The following IL10 variants were observed in gnomAD, a reference collection of about 807,000 sequenced individuals.
IL10 encodes interleukin-10.
A neutral mutation model predicts 21.0 loss-of-function variants in IL10; 7 were observed. The observed-to-expected ratio is 0.33, with a 90% CI of 0.19 to 0.63. IL10 has a LOEUF of 0.63. Ranked by LOEUF, IL10 falls within the 20% of genes least tolerant of loss-of-function variation. IL10 has a pLI of 0.77. For synonymous variants in IL10, 83 were observed against 79.7 expected, an observed-to-expected ratio of 1.04 and a Z score of -0.22; for missense variants, 161 against 213.0, an observed-to-expected ratio of 0.76 and a Z score of 1.52.
At chr1:206,769,333 G>C (rs1203551941) in intron 4 of IL10, among the ~76,000 whole-genome samples, 2 of 152,254 alleles carry the variant, frequency 1.3e-5, no homozygotes, top group African/African-American at 4.8e-5. Flanking sequence ...CCGCAGGTGC[G>C]AAGGGCAGAT....
In IL10 at chr1:206,768,634, T is replaced by C. The variant is rs201661909; in HGVS notation, c.*2A>G. ...AGTCTATAGAGTCGCCACCCTGATG[T>C]CTCAGTTTCGTATCTTCATTGTCAT... On this transcript the variant is annotated 3_prime_UTR_variant, in exon 5 of 5. Coordinates refer to ENST00000423557, the MANE Select transcript of IL10 (RefSeq NM_000572.3). 2.2e-5 allele frequency: 34 copies of C among 1,561,488 alleles called. No homozygotes were observed. In the East Asian group the frequency reaches 7.2e-4, roughly 33 times the overall value.
At chr1:206,771,096 G>A (rs765131042) in intron 2 of IL10, 37 bp from the exon 3 acceptor site, 28 of 1,611,854 alleles carry the variant, frequency 1.7e-5, no homozygotes, top group Non-Finnish European at 2.1e-5. Context: ...AGAGATTGGC[G>A]GAGGTGGCTG....
chr1:206,769,476 G>A, intron 4 of IL10: 1 of 397,918 alleles, frequency 2.5e-6, no homozygotes, highest in East Asian at 5.4e-5. Flanking sequence ...TCCTGCACGT[G>A]TGGGTTCAGC....
In IL10 at chr1:206,772,442, T is replaced by C; in HGVS notation, c.-7A>G. 6.2e-7 allele frequency: 1 copy of C among 1,613,938 alleles called. No individual in the cohort carries two copies. Among genetic ancestry groups the C allele is most frequent in the African/African-American group, 1.3e-5 (1 of 75,048 alleles). The stretch of plus-strand genomic sequence containing the variant: ...GCAGTGCTGAGCTGTGCATGCCTTC[T>C]TTTGCAAGTCTGTCTTGTGGTTTGG... On this transcript the variant is annotated 5_prime_UTR_variant, in exon 1 of 5. Coordinates refer to ENST00000423557, the MANE Select transcript of IL10 (RefSeq NM_000572.3).
chr1:206,769,986 C>T lies in IL10; in HGVS notation c.379-92G>A. Reference sequence around the variant, plus strand: ...ACAAGCTGGTGGCATCATGAGGAGGCCAGATTTATCCAAATGCCTTGCCTC... The same window carrying T: ...ACAAGCTGGTGGCATCATGAGGAGGTCAGATTTATCCAAATGCCTTGCCTC... On this transcript the variant is annotated intron_variant, in intron 3 of 4. Coordinates refer to ENST00000423557, the MANE Select transcript of IL10 (RefSeq NM_000572.3). The T allele has an allele frequency of 3.1e-6, 3 of 954,236 alleles. No homozygotes were observed. In the South Asian group the frequency reaches 4.0e-5, roughly 13 times the overall value. 59.1% of individuals were successfully genotyped at this position (954,236 alleles called of 1,614,324 possible).
At chr1:206,770,246 C>T (rs1382555931) in intron 3 of IL10, among the ~76,000 whole-genome samples, 1 of 152,200 alleles carries the variant, frequency 6.6e-6, no homozygotes, top group Non-Finnish European at 1.5e-5. Flanking sequence ...CCGAGGAACA[C>T]TTCTAAGCAT....
At chr1:206,771,186 G>C in intron 2 of IL10, 127 bp from the exon 3 acceptor site, 3 of 1,221,944 alleles carry the variant, frequency 2.5e-6, no homozygotes, top group East Asian at 4.6e-5. Flanking sequence ...TCCCCGAAGG[G>C]ACTGAGCCCT....
In IL10 at chr1:206,772,198, T is replaced by C. The variant is rs1266182604; in HGVS notation, c.165+73A>G. The stretch of plus-strand genomic sequence containing the variant: ...AGGTGGAGGCGCAGGAGGAGGGTTC[T>C]TATAGTTCCAGGAGAATGTCTAGTT... On this transcript the variant is annotated intron_variant, in intron 1 of 4. Transcript: ENST00000423557. The C allele has an allele frequency of 1.2e-5, 16 of 1,379,538 alleles. No homozygotes were observed. In the Admixed American group the frequency reaches 2.7e-4, roughly 23 times the overall value. 85.5% of individuals were successfully genotyped at this position (1,379,538 alleles called of 1,614,324 possible).
chr1:206,769,417 T>A (rs994014617), intron 4 of IL10, among the ~76,000 whole-genome samples: 1 of 152,274 alleles, frequency 6.6e-6, no homozygotes, highest in Non-Finnish European at 1.5e-5. Flanking sequence ...CTGGGGAGTC[T>A]GGGCTGAACC....
At chr1:206,769,028 T>C (rs1316220046) in intron 4 of IL10, among the ~76,000 whole-genome samples, 2 of 152,156 alleles carry the variant, frequency 1.3e-5, no homozygotes, top group Admixed American at 6.5e-5. Flanking sequence ...TATGCAGAGT[T>C]TGATGAAAAG....
chr1:206,768,863 CA>C, intron 4 of IL10, 135 bp from the exon 5 acceptor site: 1 of 699,918 alleles, frequency 1.4e-6, no homozygotes, highest in South Asian at 1.5e-5. Context: ...GGAAGTAAAC[CA>C]GAGGATAGGC....
chr1:206,771,686 C>T (rs147839909), intron 1 of IL10, among the ~76,000 whole-genome samples: 20 of 152,322 alleles, frequency 1.3e-4, no homozygotes, highest in African/African-American at 4.6e-4. Flanking sequence ...GGTCTTCTTT[C>T]TGCGGAGCTA....
intron 4 of IL10, 148 bp from the exon 5 acceptor site, chr1:206,768,876 T>C: frequency 1.5e-6 from 1 of 689,320 alleles, no homozygotes; most frequent in Non-Finnish European, 2.7e-6. Context: ...AGGATAGGCC[T>C]AGCTGCCTTG....
At position 206,772,473 on chromosome 1, in the gene IL10, C is replaced by A. The variant is rs777424485; in HGVS notation, c.-38G>T. 1.1e-5 allele frequency: 17 copies of A among 1,606,476 alleles called. No individual in the cohort carries two copies. Among genetic ancestry groups the A allele is most frequent in the Non-Finnish European group, 1.4e-5 (17 of 1,174,742 alleles). On this transcript the variant is annotated 5_prime_UTR_variant, in exon 1 of 5. Coordinates refer to ENST00000423557, the MANE Select transcript of IL10 (RefSeq NM_000572.3). ...AAGTCTGTCTTGTGGTTTGGTTTTG[C>A]AAGAGCAAGCCCCTGATGTGTAGAC...
At chr1:206,771,467 A>G in intron 1 of IL10, 52 bp from the exon 2 acceptor site, 2 of 1,450,658 alleles carry the variant, frequency 1.4e-6, no homozygotes, top group Non-Finnish European at 1.9e-6. Context: ...AAATAACTGA[A>G]ATGCGGTCTT....
chr1:206,770,867 T>C, intron 3 of IL10, 40 bp downstream of exon 3: 1 of 1,604,330 alleles, frequency 6.2e-7, no homozygotes, highest in South Asian at 1.1e-5. Context: ...GATGGTATTT[T>C]GGGGGCAGCT....
intron 1 of IL10, among the ~76,000 whole-genome samples, chr1:206,771,947 T>C (rs941559884): frequency 4.6e-5 from 7 of 152,046 alleles, no homozygotes; most frequent in African/African-American, 1.7e-4. Context: ...ATGGGGAGCA[T>C]CTTCACCTCG....
At chr1:206,768,826 A>C in intron 4 of IL10, 98 bp from the exon 5 acceptor site, 1 of 767,038 alleles carries the variant, frequency 1.3e-6, no homozygotes, top group East Asian at 2.6e-5. Context: ...CCTTGAGTGC[A>C]GAGGTTGCTT....
intron 3 of IL10, 63 bp from the exon 4 acceptor site, chr1:206,769,957 G>A (rs181663677): frequency 7.4e-7 from 1 of 1,352,060 alleles, no homozygotes; most frequent in East Asian, 2.3e-5. Flanking sequence ...ATCACACTTA[G>A]GGGACAAGCT....
Sources: allele counts gnomAD v4.1 joint callset (sites outside exome capture counted in the v4.1 genomes callset), GRCh38; gene constraint gnomAD v4.1.1; transcripts MANE v1.5; gene names NCBI Gene and HGNC (gene_info 2026-07-23, HGNC 2026-07-21).